Variants in HDAC4 observed in about 807,000 individuals in gnomAD.
HDAC4 encodes histone deacetylase 4, also known as histone deacetylase A.
A neutral mutation model predicts 135.1 loss-of-function variants in HDAC4; 16 were observed. The observed-to-expected ratio is 0.12, with a 90% CI of 0.08 to 0.18. The LOEUF (loss-of-function observed/expected upper bound fraction) is 0.18. HDAC4 is among the 10% of genes least tolerant of loss of function. HDAC4 has a pLI of 1.00. For synonymous variants in HDAC4, 685 were observed against 653.4 expected (o/e 1.05, Z -0.74); for missense variants, 1,143 against 1,511.8 (o/e 0.76, Z 4.05).
intron 17 of HDAC4, chr2:239,093,992 T>C (rs1341209836): frequency 1.9e-5 from 19 of 985,298 alleles, no homozygotes; most frequent in Non-Finnish European, 2.0e-5. Context: ...AAGCAGTGAT[T>C]TTTATAAAAA....
intron 14 of HDAC4, among the ~76,000 whole-genome samples, chr2:239,108,653 A>G (rs2038379431): frequency 6.6e-6 from 1 of 152,182 alleles, no homozygotes; most frequent in African/African-American, 2.4e-5. Flanking sequence ...GTTCTGCTGG[A>G]CGGAGAACTG....
Position 239,197,307 on chromosome 2 carries a change from C to T in HDAC4, c.95-7230G>A, listed in dbSNP as rs115089585. Among the ~76,000 whole-genome samples, 1,223 of 152,262 alleles carry T rather than the reference C, an allele frequency of 8.0e-3. 23 individuals are homozygous for T. The highest frequency in any genetic ancestry group is 0.028 in the African/African-American group (1,167 of 41,550). On this transcript the variant is annotated intron_variant, in intron 3 of 26. Coordinates refer to ENST00000543185, the MANE Select transcript of HDAC4 (RefSeq NM_001378414.1). Reference sequence around the variant, plus strand: ...CTCCCAGTACTGTCAGGAAAATGGGCGCCACGTGATGCTGCACCTTGAGTG... The same window carrying T: ...CTCCCAGTACTGTCAGGAAAATGGGTGCCACGTGATGCTGCACCTTGAGTG...
At chr2:239,283,672 G>C (rs563648950) in intron 2 of HDAC4, among the ~76,000 whole-genome samples, 1 of 152,190 alleles carries the variant, frequency 6.6e-6, no homozygotes, top group South Asian at 2.1e-4. Flanking sequence ...AGCTAATTTC[G>C]TTTTCATAAC....
At chr2:239,130,871 T>A (rs1198028781) in intron 11 of HDAC4, among the ~76,000 whole-genome samples, 1 of 152,182 alleles carries the variant, frequency 6.6e-6, no homozygotes. Context: ...ACGGGCATCA[T>A]AAAGGACTTA....
intron 3 of HDAC4, among the ~76,000 whole-genome samples, chr2:239,224,879 A>T (rs2047155415): frequency 6.6e-6 from 1 of 152,264 alleles, no homozygotes; most frequent in African/African-American, 2.4e-5. Flanking sequence ...GGTAATTTAC[A>T]ATCAATAAGC....
intron 22 of HDAC4, among the ~76,000 whole-genome samples, chr2:239,079,113 G>A (rs989025714): frequency 6.6e-6 from 1 of 152,184 alleles, no homozygotes; most frequent in Non-Finnish European, 1.5e-5. Context: ...CTAAGTGAGG[G>A]GCAACGGGAG....
intron 2 of HDAC4, among the ~76,000 whole-genome samples, chr2:239,261,383 A>T (rs1433988825): frequency 6.6e-6 from 1 of 152,192 alleles, no homozygotes; most frequent in Non-Finnish European, 1.5e-5. Context: ...CCGTGTGCTG[A>T]GATGGAGCGT....
chr2:239,348,174 A>G (rs1692852532), intron 2 of HDAC4, among the ~76,000 whole-genome samples: 1 of 149,468 alleles, frequency 6.7e-6, no homozygotes, highest in African/African-American at 2.5e-5. Context: ...ACTGCTTCCT[A>G]TCGAGAGCAC....
chr2:239,195,518 C>T (rs1434245762), intron 3 of HDAC4, among the ~76,000 whole-genome samples: 2 of 152,218 alleles, frequency 1.3e-5, no homozygotes, highest in Non-Finnish European at 2.9e-5. Context: ...GAACCACAAT[C>T]GCATTCACGC....
At chr2:239,111,401 G>C in intron 14 of HDAC4, 125 bp downstream of exon 14, 1 of 903,242 alleles carries the variant, frequency 1.1e-6, no homozygotes. Flanking sequence ...CCACCATCCA[G>C]CGTGGCCCTC....
intron 2 of HDAC4, among the ~76,000 whole-genome samples, chr2:239,263,084 C>T (rs968114353): frequency 4.3e-4 from 65 of 152,296 alleles, no homozygotes; most frequent in African/African-American, 1.4e-3. Flanking sequence ...GAACCTGCTG[C>T]GGCGGTGACA....
chr2:239,145,534 A>G (rs112650150), intron 7 of HDAC4, among the ~76,000 whole-genome samples: 1 of 152,218 alleles, frequency 6.6e-6, no homozygotes, highest in Non-Finnish European at 1.5e-5. Context: ...AAAGGCAGCG[A>G]CCGGAGTCAA....
chr2:239,339,128 C>G (rs1692131973), intron 2 of HDAC4, among the ~76,000 whole-genome samples: 1 of 152,186 alleles, frequency 6.6e-6, no homozygotes, highest in African/African-American at 2.4e-5. Context: ...AATGAATATA[C>G]CAACTCAGAT....
intron 17 of HDAC4, among the ~76,000 whole-genome samples, chr2:239,092,131 C>T (rs1027035336): frequency 4.6e-5 from 7 of 151,854 alleles, no homozygotes. Context: ...CCCCACAACT[C>T]AGGACGCTGA....
At chr2:239,162,059 T>C (rs987503460) in intron 6 of HDAC4, 4 of 449,706 alleles carry the variant, frequency 8.9e-6, no homozygotes, top group African/African-American at 6.0e-5. Flanking sequence ...CTCCCCACCT[T>C]CTTCCATGCT....
At chr2:239,212,249 G>T (rs1427418528) in intron 3 of HDAC4, among the ~76,000 whole-genome samples, 1 of 152,088 alleles carries the variant, frequency 6.6e-6, no homozygotes, top group African/African-American at 2.4e-5. Flanking sequence ...GGTTGAAAGG[G>T]TCTTTCTACC....
chr2:239,378,781 G>A (rs1419270244), intron 1 of HDAC4, among the ~76,000 whole-genome samples: 1 of 152,184 alleles, frequency 6.6e-6, no homozygotes, highest in Non-Finnish European at 1.5e-5. Flanking sequence ...CTCTTCTCTT[G>A]TTCACTTGAG....
rs758507102 is a variant in HDAC4, at chr2:239,114,748, G to A, written c.1791+305C>T. 3.0e-4 allele frequency among the ~76,000 whole-genome samples: 45 copies of A among 152,150 alleles called. 1 individual carries two copies. The highest frequency in any genetic ancestry group is 1.0e-3 in the Admixed American group (16 of 15,280). On this transcript the variant is annotated intron_variant, in intron 13 of 26. Transcript: ENST00000543185. ...AGCATGCTGTATCTCACTAACACAT[G>A]GATTCTGTGTTCATTTACAGCCTAC...
intron 3 of HDAC4, among the ~76,000 whole-genome samples, chr2:239,230,888 C>T (rs1365591495): frequency 6.6e-6 from 1 of 152,190 alleles, no homozygotes; most frequent in African/African-American, 2.4e-5. Context: ...GCAACAACCG[C>T]CACAAAACAC....
Sources: gnomAD v4.1 joint callset for allele counts (sites outside exome capture counted in the v4.1 genomes callset) on GRCh38, gnomAD v4.1.1 for gene constraint, MANE v1.5 for transcripts, NCBI Gene and HGNC (gene_info 2026-07-23, HGNC 2026-07-21) for gene names.